The following DCAF8L2 variants were observed in gnomAD, a reference collection of about 807,000 sequenced individuals.
DCAF8L2 encodes DDB1 and CUL4 associated factor 8 like 2, also known as DDB1- and CUL4-associated factor 8-like protein 2.
For missense variants in DCAF8L2, 430 were observed against 490.7 expected (o/e 0.88, Z 1.17); for synonymous variants, 200 against 190.9 (o/e 1.05, Z -0.39).
chrX:27,487,456 T>C, the DCAF8L2 span, among the ~76,000 whole-genome samples: 1 of 110,854 alleles, frequency 9.0e-6, no homozygotes, highest in East Asian at 2.9e-4. Context: ...TACATTTTTG[T>C]CTTTTTAGTA....
intron 2 of DCAF8L2, among the ~76,000 whole-genome samples, chrX:27,674,303 G>T (rs766359968): frequency 3.4e-4 from 38 of 111,256 alleles, no homozygotes; most frequent in African/African-American, 1.1e-3. Flanking sequence ...AATACTGATG[G>T]TATTATTTTA....
chrX:27,671,618 A>G (rs1380136219), intron 2 of DCAF8L2, among the ~76,000 whole-genome samples: 1 of 111,890 alleles, frequency 8.9e-6, no homozygotes, highest in Non-Finnish European at 1.9e-5. Context: ...CCTCAGTCAG[A>G]TAAAAACCTA....
chrX:27,480,657 G>A, the DCAF8L2 span, among the ~76,000 whole-genome samples: 1 of 111,729 alleles, frequency 9.0e-6, no homozygotes, highest in East Asian at 2.9e-4. Context: ...TACTTCCCTA[G>A]ACTTTATTCT....
intron 1 of DCAF8L2, among the ~76,000 whole-genome samples, chrX:27,606,111 C>G (rs1312018862): frequency 9.8e-6 from 1 of 102,415 alleles, no homozygotes; most frequent in Non-Finnish European, 2.0e-5. Context: ...CACGGAAGTA[C>G]TGATTGTCTT....
intron 4 of DCAF8L2, among the ~76,000 whole-genome samples, chrX:27,735,986 G>T (rs1245862705): frequency 9.0e-6 from 1 of 111,524 alleles, no homozygotes; most frequent in African/African-American, 3.3e-5. Flanking sequence ...ACAAATATTA[G>T]AATATACTAT....
rs1353669752 is a variant in DCAF8L2 at position 27,749,500 on chromosome X, A to G, written c.*709A>G. 8.9e-6 allele frequency among the ~76,000 whole-genome samples: 1 copy of G among 112,132 alleles called. No individual in the cohort carries two copies. The highest frequency in any genetic ancestry group is 1.9e-5 in the Non-Finnish European group (1 of 53,281). On this transcript the variant is annotated 3_prime_UTR_variant, in exon 5 of 5. Transcript: ENST00000451261. ...GGGATTGCCTACATTTTCTGAATCC[A>G]TATATTAATAATTTTGAAAAATTTG...
In DCAF8L2 at chrX:27,748,498, C is replaced by T. The variant is rs1458665191; in HGVS notation, c.1603C>T (p.His535Tyr). The change falls in exon 5 of 5, where the codon CAT becomes TAT. Residue 535 changes from histidine (H) to tyrosine (Y), a missense_variant. Coordinates refer to ENST00000451261, the MANE Select transcript of DCAF8L2 (RefSeq NM_001353450.2). ...TGTGTTGGCGTGCAGTGGCCTAGAT[C>T]ATGATGTCAAGATCTGGACACCCAC... is the stretch of plus-strand genomic sequence containing the variant. ...LPVLACSGLD[H>Y]DVKIWTPTAK... The T allele has an allele frequency of 8.3e-7, 1 of 1,209,007 alleles. No homozygotes were observed. The highest frequency in any genetic ancestry group is 1.1e-6 in the Non-Finnish European group (1 of 894,542).
At chrX:27,682,153 CAG>C (rs1223894044) in intron 3 of DCAF8L2, among the ~76,000 whole-genome samples, 4 of 110,954 alleles carry the variant, frequency 3.6e-5, no homozygotes, top group Middle Eastern at 4.7e-3. Context: ...TTTGTAGAGA[CAG>C]GGGCTTGCTA....
the DCAF8L2 span, among the ~76,000 whole-genome samples, chrX:27,497,517 C>T: frequency 2.4e-4 from 13 of 53,205 alleles, no homozygotes; most frequent in Middle Eastern, 8.9e-3. Context: ...TCTTTCCTTC[C>T]TTCCTTCCTT....
At chrX:27,698,016 T>A (rs1193344392) in intron 3 of DCAF8L2, among the ~76,000 whole-genome samples, 1 of 109,822 alleles carries the variant, frequency 9.1e-6, no homozygotes, top group African/African-American at 3.4e-5. Flanking sequence ...GAATTTAAAA[T>A]TTTTTTTATT....
chrX:27,731,289 C>T (rs1921186705), intron 4 of DCAF8L2, among the ~76,000 whole-genome samples: 2 of 110,884 alleles, frequency 1.8e-5, no homozygotes, highest in South Asian at 7.7e-4. Context: ...CACGTGCCAG[C>T]AATCCCAGCT....
At chrX:27,481,492 T>A in the DCAF8L2 span, among the ~76,000 whole-genome samples, 6 of 111,778 alleles carry the variant, frequency 5.4e-5, no homozygotes, top group African/African-American at 1.6e-4. Context: ...TTTTTAAATA[T>A]GTATTTAAAC....
At chrX:27,608,906 C>T (rs764065416) in intron 1 of DCAF8L2, among the ~76,000 whole-genome samples, 64 of 110,732 alleles carry the variant, frequency 5.8e-4, no homozygotes, top group African/African-American at 1.9e-3. Context: ...ACATTGCGTA[C>T]TATTACCATG....
At chrX:27,567,546 CATATATATATATATAT>C in the DCAF8L2 span, among the ~76,000 whole-genome samples, 36 of 29,627 alleles carry the variant, frequency 1.2e-3, no homozygotes, top group East Asian at 4.3e-3. Flanking sequence ...ACCACTGTAG[CATATATATATATATAT>C]ATATATATAT....
intron 3 of DCAF8L2, among the ~76,000 whole-genome samples, chrX:27,703,599 C>T (rs192444840): frequency 1.8e-5 from 2 of 110,725 alleles, no homozygotes; most frequent in Admixed American, 9.7e-5. Context: ...GAAAAGAGCG[C>T]CATGACAATT....
At chrX:27,481,401 T>G in the DCAF8L2 span, among the ~76,000 whole-genome samples, 2 of 110,916 alleles carry the variant, frequency 1.8e-5, no homozygotes, top group Non-Finnish European at 3.8e-5. Context: ...AATTAATTAA[T>G]TTAATTAAAG....
At chrX:27,736,963 A>C (rs999216661) in intron 4 of DCAF8L2, among the ~76,000 whole-genome samples, 1 of 112,090 alleles carries the variant, frequency 8.9e-6, no homozygotes, top group African/African-American at 3.2e-5. Context: ...GTCTTCTATT[A>C]AACCAGACAA....
the DCAF8L2 span, among the ~76,000 whole-genome samples, chrX:27,472,559 C>T: frequency 9.0e-6 from 1 of 110,922 alleles, no homozygotes; most frequent in African/African-American, 3.3e-5. Flanking sequence ...TCCCCACTGA[C>T]AGGCCCCAGT....
intron 3 of DCAF8L2, among the ~76,000 whole-genome samples, chrX:27,711,398 C>CGTGTGT (rs10574517): frequency 1.7e-4 from 16 of 94,961 alleles, no homozygotes; most frequent in African/African-American, 5.7e-4. Context: ...TGTGTGTGTA[C>CGTGTGT]GTGTGTGTGT....
Sources: allele counts gnomAD v4.1 joint callset (sites outside exome capture counted in the v4.1 genomes callset), GRCh38; gene constraint gnomAD v4.1.1; transcripts MANE v1.5; gene names NCBI Gene and HGNC (gene_info 2026-07-23, HGNC 2026-07-21).